The following RANBP17 variants were observed in gnomAD, a reference collection of about 807,000 sequenced individuals.
RANBP17 encodes the protein ran-binding protein 17.
In RANBP17, 158 loss-of-function variants were observed where a neutral mutation model predicts 141.2. That is an observed-to-expected ratio of 1.12 (90% CI 0.98 to 1.28). RANBP17 has a LOEUF of 1.28. Ranked by LOEUF, RANBP17 falls within the 50% of genes most tolerant of loss-of-function variation. The probability of loss-of-function intolerance (pLI) is 0.00; values close to 1 mark genes in which losing one functional copy is unlikely to be tolerated. For missense variants in RANBP17, 1,438 were observed against 1,290.7 expected (o/e 1.11, Z -1.75); for synonymous variants, 430 against 450.0 (o/e 0.96, Z 0.56).
At chr5:170,986,980 T>C (rs1208316282) in intron 14 of RANBP17, among the ~76,000 whole-genome samples, 1 of 151,852 alleles carries the variant, frequency 6.6e-6, no homozygotes, top group Non-Finnish European at 1.5e-5. Context: ...TTCATGGTAC[T>C]TGGATATATT....
intron 2 of RANBP17, among the ~76,000 whole-genome samples, chr5:170,879,810 G>A (rs1768511231): frequency 6.6e-6 from 1 of 152,094 alleles, no homozygotes. Flanking sequence ...AGACAAGTAA[G>A]GATATTGTTT....
intron 22 of RANBP17, among the ~76,000 whole-genome samples, chr5:171,231,077 C>T (rs1281832726): frequency 1.3e-5 from 2 of 148,762 alleles, no homozygotes; most frequent in African/African-American, 4.9e-5. Flanking sequence ...GCTGGGACTA[C>T]AGGCACGTAC....
intron 14 of RANBP17, among the ~76,000 whole-genome samples, chr5:171,037,637 A>G (rs570667898): frequency 6.6e-6 from 1 of 152,142 alleles, no homozygotes; most frequent in South Asian, 2.1e-4. Flanking sequence ...AGCTACATAT[A>G]GCTAGCCAAC....
intron 7 of RANBP17, among the ~76,000 whole-genome samples, chr5:170,911,590 G>A (rs568410716): frequency 1.3e-5 from 2 of 151,454 alleles, no homozygotes; most frequent in African/African-American, 2.4e-5. Context: ...AGTTCAATAG[G>A]TGATTCTACA....
At chr5:171,212,302 T>G (rs796662471) in intron 20 of RANBP17, among the ~76,000 whole-genome samples, 8 of 152,330 alleles carry the variant, frequency 5.3e-5, no homozygotes, top group African/African-American at 1.7e-4. Flanking sequence ...GTAAGAGAGA[T>G]ATGGTCATGA....
chr5:170,937,687 C>T (rs1773990241), intron 12 of RANBP17, among the ~76,000 whole-genome samples: 1 of 152,090 alleles, frequency 6.6e-6, no homozygotes, highest in Non-Finnish European at 1.5e-5. Flanking sequence ...TTACAGGTGA[C>T]CCTGTAAGCT....
rs919363261 is a variant in RANBP17, at chr5:171,294,236, G to T, written c.3042+255G>T. Among the ~76,000 whole-genome samples, 6 of 152,148 alleles carry T rather than the reference G, an allele frequency of 3.9e-5. No homozygotes were observed. In the East Asian group the frequency reaches 7.7e-4, roughly 19 times the overall value. On this transcript the variant is annotated intron_variant, in intron 26 of 27. Transcript: ENST00000523189. ...CCCCCACTCACCAGGTGGGTGGTTT[G>T]CTCAGTAGTATTTCCAGCTTGCCCT...
At chr5:171,282,338 G>A (rs1767908394) in intron 25 of RANBP17, among the ~76,000 whole-genome samples, 1 of 152,192 alleles carries the variant, frequency 6.6e-6, no homozygotes, top group Admixed American at 6.5e-5. Context: ...CAGAGTACTG[G>A]CAACAGAGCC....
chr5:171,041,453 T>C (rs780402876), intron 14 of RANBP17, among the ~76,000 whole-genome samples: 2 of 152,152 alleles, frequency 1.3e-5, no homozygotes, highest in African/African-American at 2.4e-5. Context: ...TAGTTGAAAT[T>C]ATTTCTTGAA....
At chr5:171,158,624 CT>C (rs558950417) in intron 14 of RANBP17, 1,781 of 158,344 alleles carry the variant, frequency 0.011, 15 homozygotes, top group Middle Eastern at 0.024. Context: ...TTGTTGTAAC[CT>C]TTTTTTTTTT....
At chr5:170,930,855 G>A (rs555227414) in intron 12 of RANBP17, among the ~76,000 whole-genome samples, 3 of 152,268 alleles carry the variant, frequency 2.0e-5, no homozygotes, top group Admixed American at 1.3e-4. Flanking sequence ...ATTGTGAATA[G>A]TGCCACAATA....
intron 22 of RANBP17, among the ~76,000 whole-genome samples, chr5:171,235,960 C>T (rs1764517824): frequency 6.6e-6 from 1 of 152,124 alleles, no homozygotes; most frequent in African/African-American, 2.4e-5. Flanking sequence ...ATTTTATATT[C>T]CCAACAATTT....
In RANBP17 at chr5:171,063,643, G is replaced by A. The variant is rs144133682; in HGVS notation, c.1710+95266G>A. Among the ~76,000 whole-genome samples, 954 of 152,322 alleles carry A rather than the reference G, an allele frequency of 6.3e-3. 11 individuals are homozygous for A. Among genetic ancestry groups the A allele is most frequent in the African/African-American group, 0.022 (900 of 41,578 alleles). On this transcript the variant is annotated intron_variant, in intron 14 of 27. Coordinates refer to ENST00000523189, the MANE Select transcript of RANBP17 (RefSeq NM_022897.5). The stretch of plus-strand genomic sequence containing the variant: ...ACCGACTTGAGGAGGCAGTCTGCCC[G>A]TTCTCAGATCTCAAACTGCATGCTG...
At position 171,185,118 on chromosome 5, in the gene RANBP17, G is replaced by A. The variant is rs183777932; in HGVS notation, c.2038+1688G>A. Among the ~76,000 whole-genome samples the A allele has an allele frequency of 9.1e-4, 139 of 152,296 alleles. 1 individual carries two copies. Among genetic ancestry groups the A allele is most frequent in the Middle Eastern group, 3.4e-3 (1 of 294 alleles). On this transcript the variant is annotated intron_variant, in intron 18 of 27. Coordinates refer to ENST00000523189, the MANE Select transcript of RANBP17 (RefSeq NM_022897.5). The stretch of plus-strand genomic sequence containing the variant: ...GTAGAGGTTGCAGTGAGTCGACATC[G>A]TGCCACTGCACTCCAGCCTGGGCAA...
intron 12 of RANBP17, among the ~76,000 whole-genome samples, chr5:170,939,301 G>A (rs1316023732): frequency 6.6e-6 from 1 of 152,004 alleles, no homozygotes; most frequent in Non-Finnish European, 1.5e-5. Context: ...GGAAGAAGGG[G>A]CATGGTCCCA....
chr5:170,906,721 T>C (rs1280680411), intron 5 of RANBP17, among the ~76,000 whole-genome samples: 2 of 151,952 alleles, frequency 1.3e-5, no homozygotes, highest in Non-Finnish European at 2.9e-5. Context: ...ATTGCTAACA[T>C]TATTTGTTTT....
At chr5:170,972,983 A>G (rs1295463050) in intron 14 of RANBP17, among the ~76,000 whole-genome samples, 1 of 152,086 alleles carries the variant, frequency 6.6e-6, no homozygotes, top group Non-Finnish European at 1.5e-5. Context: ...AACTTTGCCT[A>G]CCTTTGAAAT....
At chr5:171,235,322 CT>C (rs554291422) in intron 22 of RANBP17, among the ~76,000 whole-genome samples, 19,157 of 132,284 alleles carry the variant, frequency 0.14, 1,329 homozygotes, top group East Asian at 0.18. Context: ...TTGCATGTGT[CT>C]TTTTTTTTTT....
chr5:171,039,245 G>GTTTTTTTT (rs57258448), intron 14 of RANBP17, among the ~76,000 whole-genome samples: 1 of 125,426 alleles, frequency 8.0e-6, no homozygotes, highest in African/African-American at 3.0e-5. Context: ...TCTGTTGTTG[G>GTTTTTTTT]TTTTTTTTTT....
Sources: allele counts gnomAD v4.1 joint callset (sites outside exome capture counted in the v4.1 genomes callset), GRCh38; gene constraint gnomAD v4.1.1; transcripts MANE v1.5; gene names NCBI Gene and HGNC (gene_info 2026-07-23, HGNC 2026-07-21).